Variants in STK31 observed in about 807,000 individuals in gnomAD.
The protein encoded by STK31 is serine/threonine kinase 31.
In STK31, 89 loss-of-function variants were observed where a neutral mutation model predicts 129.7. That is an observed-to-expected ratio of 0.69 (90% CI 0.58 to 0.82). The LOEUF is 0.82. Among genes scored for constraint, STK31 ranks in the 40% least tolerant of loss-of-function variants. STK31 has a pLI of 0.00. For synonymous variants in STK31, 448 were observed against 395.3 expected (o/e 1.13, Z -1.58); for missense variants, 1,187 against 1,176.4 (o/e 1.01, Z -0.13).
chr7:23,767,614 AGAATGGTCAGGG>A (rs1789911550), intron 11 of STK31, among the ~76,000 whole-genome samples: 2 of 152,164 alleles, frequency 1.3e-5, no homozygotes, highest in African/African-American at 2.4e-5. Flanking sequence ...TGAAGGAAAG[AGAATGGTCAGGG>A]GCTGGCCAGC....
chr7:23,828,864 CTTTA>C (rs1350232321), intron 23 of STK31, among the ~76,000 whole-genome samples: 1 of 151,782 alleles, frequency 6.6e-6, no homozygotes, highest in Non-Finnish European at 1.5e-5. Flanking sequence ...TGTTCCAGTT[CTTTA>C]GAGGAATGTT....
chr7:23,729,058 TCA>T, intron 5 of STK31, 31 bp from the exon 6 acceptor site: 1 of 1,526,902 alleles, frequency 6.5e-7, no homozygotes, highest in Non-Finnish European at 8.8e-7. Flanking sequence ...TAATCTGGGG[TCA>T]GTATTCGTAT....
Position 23,762,867 on chromosome 7 carries a change from G to A in STK31, c.1360G>A (p.Asp454Asn). Residue 454 changes from aspartate (D) to asparagine (N), a missense_variant, in exon 11 of 24, where the codon GAT becomes AAT. Asp to Asn is a conservative substitution (Grantham distance 23). Coordinates refer to ENST00000355870, the MANE Select transcript of STK31 (RefSeq NM_031414.5). ...GCAGAAGCTGTACATGTCAGTAGAA[G>A]ATTTTATTCTGGAAGTTGATGAGTC... Reference protein sequence around the residue: ...MQQKLYMSVEDFILEVDESSL... With the variant: ...MQQKLYMSVENFILEVDESSL... 1 of 1,608,250 alleles carries A rather than the reference G, an allele frequency of 6.2e-7. No individual in the cohort carries two copies. Among genetic ancestry groups the A allele is most frequent in the Non-Finnish European group, 8.5e-7 (1 of 1,177,916 alleles).
At position 23,710,249 on chromosome 7, in the gene STK31, A is replaced by G; in HGVS notation, c.-37A>G. 1 of 1,612,360 alleles carries G rather than the reference A, an allele frequency of 6.2e-7. No homozygotes were observed. The highest frequency in any genetic ancestry group is 2.2e-5 in the East Asian group (1 of 44,868). ...CGAAGCTCACGCGGTAAGCCGCTGCACGTGTGCTACGGCGGGCGGAGGGCC... is the reference window on the plus strand; with the variant it reads ...CGAAGCTCACGCGGTAAGCCGCTGCGCGTGTGCTACGGCGGGCGGAGGGCC... On this transcript the variant is annotated 5_prime_UTR_variant, in exon 1 of 24. Coordinates refer to ENST00000355870, the MANE Select transcript of STK31 (RefSeq NM_031414.5).
intron 21 of STK31, among the ~76,000 whole-genome samples, chr7:23,789,156 A>G (rs1791472016): frequency 6.6e-6 from 1 of 152,142 alleles, no homozygotes; most frequent in Admixed American, 6.5e-5. Context: ...TTGCCAAATT[A>G]TATTTCATTG....
At chr7:23,736,182 C>G (rs2128080408) in intron 7 of STK31, among the ~76,000 whole-genome samples, 1 of 152,236 alleles carries the variant, frequency 6.6e-6, no homozygotes, top group South Asian at 2.1e-4. Flanking sequence ...AAAATCTGCT[C>G]CTAAATCTGA....
chr7:23,794,502 G>A (rs1477507374), intron 22 of STK31, among the ~76,000 whole-genome samples: 1 of 152,218 alleles, frequency 6.6e-6, no homozygotes, highest in African/African-American at 2.4e-5. Flanking sequence ...TTGGTACAGA[G>A]AGTGGAATGC....
At chr7:23,710,140 G>C (rs1231669529), upstream of STK31, 2 of 1,429,006 alleles carry the variant, frequency 1.4e-6, no homozygotes, top group African/African-American at 2.8e-5. Flanking sequence ...CTAGGCGGCA[G>C]GCCGTGGCTG....
At chr7:23,776,854 C>G (rs568777355) in intron 15 of STK31, among the ~76,000 whole-genome samples, 1 of 151,988 alleles carries the variant, frequency 6.6e-6, no homozygotes, top group African/African-American at 2.4e-5. Flanking sequence ...TATTTCTTGT[C>G]TTCTACTAGC....
At chr7:23,800,121 T>C (rs1055907770) in intron 22 of STK31, among the ~76,000 whole-genome samples, 1 of 152,166 alleles carries the variant, frequency 6.6e-6, no homozygotes, top group Non-Finnish European at 1.5e-5. Flanking sequence ...TAGGAACGCT[T>C]TACATTGTTG....
At chr7:23,819,697 T>G (rs1793686936) in intron 23 of STK31, among the ~76,000 whole-genome samples, 1 of 120,950 alleles carries the variant, frequency 8.3e-6, no homozygotes, top group African/African-American at 2.8e-5. Context: ...GACCAGCAGT[T>G]AAACAGATTA....
intron 22 of STK31, 56 bp from the exon 23 acceptor site, chr7:23,815,088 T>A: frequency 7.7e-7 from 1 of 1,303,280 alleles, no homozygotes. Flanking sequence ...TTGACTCTTC[T>A]ATAGATTGGC....
At chr7:23,710,426 C>T in intron 1 of STK31, 91 bp downstream of exon 1, 1 of 1,597,446 alleles carries the variant, frequency 6.3e-7, no homozygotes, top group Non-Finnish European at 8.5e-7. Flanking sequence ...AATCCTGGGA[C>T]GAGGCCCATT....
At chr7:23,758,763 C>T (rs1789268711) in intron 10 of STK31, among the ~76,000 whole-genome samples, 1 of 152,090 alleles carries the variant, frequency 6.6e-6, no homozygotes, top group South Asian at 2.1e-4. Flanking sequence ...GTTCAGTTTC[C>T]ATGACATTGT....
intron 23 of STK31, among the ~76,000 whole-genome samples, chr7:23,815,721 C>A (rs933924669): frequency 6.6e-6 from 1 of 152,016 alleles, no homozygotes; most frequent in African/African-American, 2.4e-5. Flanking sequence ...GGGGGTACTC[C>A]ATTTACCCTG....
At chr7:23,721,142 A>G (rs1168541680) in intron 4 of STK31, among the ~76,000 whole-genome samples, 1 of 152,192 alleles carries the variant, frequency 6.6e-6, no homozygotes, top group Non-Finnish European at 1.5e-5. Flanking sequence ...ATTTTATAAA[A>G]GGGATTCTTT....
chr7:23,760,495 A>G (rs1033642469), intron 10 of STK31, among the ~76,000 whole-genome samples: 2 of 152,202 alleles, frequency 1.3e-5, no homozygotes, highest in African/African-American at 4.8e-5. Flanking sequence ...CAGCAGAATG[A>G]TTAATTTTTT....
chr7:23,772,142 C>T lies in STK31; in HGVS notation c.1834-5C>T. The T allele has an allele frequency of 6.5e-7, 1 of 1,545,354 alleles. No homozygotes were observed. Among genetic ancestry groups the T allele is most frequent in the Non-Finnish European group, 8.7e-7 (1 of 1,145,226 alleles). ...TTTGAAAATACGTAACTTTTGTTTA[C>T]TTAGTTTAAAAAGCAGCTTATTGAA... On this transcript the variant is annotated splice_polypyrimidine_tract_variant and splice_region_variant and intron_variant, in intron 14 of 23. Coordinates refer to ENST00000355870, the MANE Select transcript of STK31 (RefSeq NM_031414.5).
intron 22 of STK31, among the ~76,000 whole-genome samples, chr7:23,791,885 G>T (rs1709174261): frequency 6.6e-6 from 1 of 152,204 alleles, no homozygotes; most frequent in African/African-American, 2.4e-5. Flanking sequence ...GAGTTCTGCT[G>T]CTATAGCATG....
Sources: allele counts gnomAD v4.1 joint callset (sites outside exome capture counted in the v4.1 genomes callset), GRCh38; gene constraint gnomAD v4.1.1; transcripts MANE v1.5; gene names NCBI Gene and HGNC (gene_info 2026-07-23, HGNC 2026-07-21).